The following FER variants were observed in gnomAD, a reference collection of about 807,000 sequenced individuals.
The protein encoded by FER is FER tyrosine kinase.
FER carries 63 observed loss-of-function variants against 111.0 expected under a neutral mutation model. The observed-to-expected ratio is 0.57, with a 90% CI of 0.46 to 0.70. FER has a LOEUF of 0.70. Among genes scored for constraint, FER ranks in the 30% least tolerant of loss-of-function variants. FER has a pLI of 0.00. For missense variants in FER, 914 were observed against 954.0 expected (o/e 0.96, Z 0.55); for synonymous variants, 327 against 313.9 (o/e 1.04, Z -0.44).
chr5:109,187,806 T>TACCA lies in FER; in HGVS notation c.*232_*235dup, dbSNP rs1759049534. The TACCA allele has an allele frequency of 2.0e-4, 106 of 530,862 alleles. 2 individuals are homozygous for TACCA. In the South Asian group the frequency reaches 2.3e-3, roughly 11 times the overall value. The allele number at this position is 530,862 out of a possible 1,614,324, so 32.9% of individuals were successfully genotyped here. On this transcript the variant is annotated 3_prime_UTR_variant, in exon 20 of 20. Coordinates refer to ENST00000281092, the MANE Select transcript of FER (RefSeq NM_005246.4). ...CTTTCTTAGCTAACCATAGCAATCC[T>TACCA]ACCATTTCAGGCCATTGCAAATAGA...
At chr5:108,789,752 G>A (rs752027546) in intron 2 of FER, among the ~76,000 whole-genome samples, 36 of 151,832 alleles carry the variant, frequency 2.4e-4, no homozygotes, top group Non-Finnish European at 3.2e-4. Context: ...ACAGGTGCAC[G>A]CCACCATACC....
At chr5:108,926,237 GTA>G (rs2149566728) in intron 10 of FER, among the ~76,000 whole-genome samples, 1 of 148,278 alleles carries the variant, frequency 6.7e-6, no homozygotes, top group Admixed American at 6.7e-5. Flanking sequence ...ATTTTTCTAT[GTA>G]TTTTTTTATA....
intron 16 of FER, among the ~76,000 whole-genome samples, chr5:109,075,428 A>ATTTTT (rs749923297): frequency 7.8e-6 from 1 of 128,544 alleles, no homozygotes; most frequent in African/African-American, 2.9e-5. Context: ...TTTGCTTAGC[A>ATTTTT]TTTTTTTTTT....
At chr5:108,871,270 T>C in intron 6 of FER, 95 bp from the exon 7 acceptor site, 1 of 1,009,380 alleles carries the variant, frequency 9.9e-7, no homozygotes, top group South Asian at 1.7e-5. Flanking sequence ...ATTTCAACAT[T>C]ACATTTCTTA....
intron 3 of FER, among the ~76,000 whole-genome samples, chr5:108,831,110 G>T (rs1261114504): frequency 6.6e-6 from 1 of 152,152 alleles, no homozygotes; most frequent in Non-Finnish European, 1.5e-5. Flanking sequence ...AGGGCAATCT[G>T]ACCCAATTGT....
At chr5:108,862,555 T>G (rs1293281042) in intron 5 of FER, among the ~76,000 whole-genome samples, 4 of 152,142 alleles carry the variant, frequency 2.6e-5, no homozygotes, top group Admixed American at 2.6e-4. Flanking sequence ...TATAACAAAA[T>G]AAAATTTTTA....
intron 6 of FER, 33 bp downstream of exon 6, chr5:108,867,983 C>A: frequency 6.4e-7 from 1 of 1,569,388 alleles, no homozygotes; most frequent in Non-Finnish European, 8.7e-7. Context: ...CATAAAATCC[C>A]TTCACAAAAT....
chr5:108,954,936 C>T lies in FER; in HGVS notation c.1533+4C>T, dbSNP rs766027278. 3.8e-6 allele frequency: 6 copies of T among 1,598,532 alleles called. No individual in the cohort carries two copies. Among genetic ancestry groups the T allele is most frequent in the South Asian group, 2.2e-5 (2 of 89,004 alleles). ...TTTTATCATACAATATGTTGATGTA[C>T]GTTTCCAGTTTAGTTCATATGTATA... is the stretch of plus-strand genomic sequence containing the variant. On this transcript the variant is annotated splice_donor_region_variant and intron_variant, in intron 12 of 19. Transcript: ENST00000281092.
intron 11 of FER, among the ~76,000 whole-genome samples, chr5:108,950,098 A>G (rs1372388291): frequency 1.3e-5 from 2 of 152,132 alleles, no homozygotes; most frequent in African/African-American, 4.8e-5. Flanking sequence ...TAAAATACAT[A>G]TTTTGCTAAA....
chr5:109,068,686 T>C, intron 16 of FER, among the ~76,000 whole-genome samples: 1 of 152,194 alleles, frequency 6.6e-6, no homozygotes, highest in East Asian at 1.9e-4. Flanking sequence ...CTTGATCTCT[T>C]TAAGCCTCAA....
At chr5:108,786,524 G>A (rs1403956390) in intron 2 of FER, among the ~76,000 whole-genome samples, 3 of 151,890 alleles carry the variant, frequency 2.0e-5, no homozygotes, top group Non-Finnish European at 2.9e-5. Context: ...TTTTTGAGAC[G>A]GAGTCTTGCT....
chr5:109,037,648 G>T (rs1318507993), intron 14 of FER, among the ~76,000 whole-genome samples, 170 bp downstream of exon 14: 1 of 152,038 alleles, frequency 6.6e-6, no homozygotes, highest in African/African-American at 2.4e-5. Flanking sequence ...TGAAATAGAT[G>T]TGTGAAAGTC....
chr5:109,118,966 A>G (rs549958882), intron 17 of FER, among the ~76,000 whole-genome samples: 12 of 145,438 alleles, frequency 8.3e-5, no homozygotes, highest in African/African-American at 3.0e-4. Flanking sequence ...CAGCTGCTGG[A>G]TTCATTGATT....
chr5:108,769,842 T>G (rs1221527290), intron 2 of FER, among the ~76,000 whole-genome samples: 1 of 152,186 alleles, frequency 6.6e-6, no homozygotes, highest in Admixed American at 6.5e-5. Flanking sequence ...CACTTAGCTA[T>G]AGTGCTAGAA....
chr5:108,894,561 C>T, intron 9 of FER: 1 of 409,802 alleles, frequency 2.4e-6, no homozygotes, highest in South Asian at 2.3e-5. Context: ...TCCACAGATG[C>T]TCAGGTCATT....
intron 10 of FER, among the ~76,000 whole-genome samples, chr5:108,928,304 A>T (rs866136449): frequency 3.3e-4 from 50 of 152,114 alleles, no homozygotes; most frequent in African/African-American, 1.2e-3. Flanking sequence ...CCTGGTACTT[A>T]CCCTCCTGCC....
At chr5:108,813,884 T>C (rs1264326500) in intron 3 of FER, among the ~76,000 whole-genome samples, 1 of 152,112 alleles carries the variant, frequency 6.6e-6, no homozygotes, top group African/African-American at 2.4e-5. Context: ...CTGCCAAAAC[T>C]CAACTTTTCC....
chr5:109,030,050 G>T (rs1769377712), intron 13 of FER, among the ~76,000 whole-genome samples: 2 of 151,704 alleles, frequency 1.3e-5, no homozygotes, highest in Non-Finnish European at 2.9e-5. Flanking sequence ...GTAATCTATT[G>T]ATCTGTCCTC....
chr5:109,085,800 A>G (rs1581963383), intron 16 of FER, among the ~76,000 whole-genome samples: 3 of 151,778 alleles, frequency 2.0e-5, no homozygotes, highest in African/African-American at 7.2e-5. Context: ...TCCTGTATCT[A>G]TTGATACGAT....
Sources: gnomAD v4.1 joint callset for allele counts (sites outside exome capture counted in the v4.1 genomes callset) on GRCh38, gnomAD v4.1.1 for gene constraint, MANE v1.5 for transcripts, NCBI Gene and HGNC (gene_info 2026-07-23, HGNC 2026-07-21) for gene names.